SLC10A7: variants seen among roughly 807,000 people sequenced by gnomAD.
SLC10A7 encodes sodium/bile acid cotransporter 7.
A neutral mutation model predicts 43.2 loss-of-function variants in SLC10A7; 29 were observed. The ratio of observed to expected loss-of-function variants is 0.67; its 90% confidence interval spans 0.50 to 0.92. The LOEUF is 0.92. Among genes scored for constraint, SLC10A7 ranks in the 40% least tolerant of loss-of-function variants. The pLI, the probability that SLC10A7 is intolerant of heterozygous loss-of-function variation, is 0.00. For missense variants in SLC10A7, 295 were observed against 403.2 expected, an observed-to-expected ratio of 0.73 and a Z score of 2.30; for synonymous variants, 152 against 144.8, an observed-to-expected ratio of 1.05 and a Z score of -0.35.
chr4:146,426,078 T>G (rs762273952), intron 5 of SLC10A7, among the ~76,000 whole-genome samples: 19 of 152,354 alleles, frequency 1.2e-4, no homozygotes, highest in Middle Eastern at 3.4e-3. Context: ...TCATTATGTA[T>G]GATTAATGTG....
At chr4:146,305,582 G>A (rs1314686227) in intron 7 of SLC10A7, among the ~76,000 whole-genome samples, 11 of 147,516 alleles carry the variant, frequency 7.5e-5, no homozygotes, top group East Asian at 2.0e-4. Flanking sequence ...AATAATAAAA[G>A]AAAAAAAAAC....
At chr4:146,356,524 T>C (rs570943675) in intron 5 of SLC10A7, among the ~76,000 whole-genome samples, 16 of 151,970 alleles carry the variant, frequency 1.1e-4, no homozygotes, top group Non-Finnish European at 1.5e-4. Context: ...CTCCCTCACT[T>C]ACTCAAGTCT....
intron 4 of SLC10A7, among the ~76,000 whole-genome samples, chr4:146,493,388 G>A (rs1321297280): frequency 1.3e-5 from 2 of 151,770 alleles, no homozygotes; most frequent in East Asian, 1.9e-4. Flanking sequence ...GGAGTTTTAG[G>A]TTGATAACCC....
chr4:146,326,357 T>G (rs974147088), intron 5 of SLC10A7, among the ~76,000 whole-genome samples: 1 of 152,212 alleles, frequency 6.6e-6, no homozygotes, highest in African/African-American at 2.4e-5. Context: ...ATGCCCCTTT[T>G]TGAGAGAAGA....
chr4:146,361,575 A>G (rs1167883232), intron 5 of SLC10A7, among the ~76,000 whole-genome samples: 1 of 152,156 alleles, frequency 6.6e-6, no homozygotes, highest in Non-Finnish European at 1.5e-5. Flanking sequence ...ACAGGTTGCA[A>G]AACTCCTTTG....
At position 146,382,254 on chromosome 4, in the gene SLC10A7, T is replaced by C. The variant is rs193295847; in HGVS notation, c.436-56258A>G. On this transcript the variant is annotated intron_variant, in intron 5 of 11. Coordinates refer to ENST00000335472, the MANE Select transcript of SLC10A7 (RefSeq NM_001029998.6). ...AGTTATGTTGACATTGTTTAATAAT[T>C]GCTTATTCTCCTGTAGAAGGACTAA... Among the ~76,000 whole-genome samples, 8 of 152,312 alleles carry C rather than the reference T, an allele frequency of 5.3e-5. No individual in the cohort carries two copies. The East Asian group carries it at 1.3e-3, about 26-fold the overall frequency.
Position 146,510,025 on chromosome 4 carries a change from G to A in SLC10A7, c.208C>T (p.Leu70=). ...TEELTSALVH[L]KLHLFIQIFT... ...ATCTGAATAAAAAGATGCAGTTTTA[G>A]ATGCACCAAAGCACTGGTCAGCTCC... Residue 70 remains leucine, a synonymous_variant, in exon 3 of 12, where the codon CTA becomes TTA. Transcript: ENST00000335472. 1.9e-6 allele frequency: 3 copies of A among 1,612,408 alleles called. No individual in the cohort carries two copies. The highest frequency in any genetic ancestry group is 2.2e-5 in the East Asian group (1 of 44,762).
intron 4 of SLC10A7, among the ~76,000 whole-genome samples, chr4:146,451,243 A>AAAAC (rs1350902345): frequency 2.0e-5 from 3 of 148,770 alleles, no homozygotes; most frequent in East Asian, 1.9e-4. Context: ...AAAAAAAAAA[A>AAAAC]AAAAAAACAA....
At chr4:146,494,248 C>T (rs932931312) in intron 4 of SLC10A7, among the ~76,000 whole-genome samples, 3 of 152,190 alleles carry the variant, frequency 2.0e-5, no homozygotes, top group Admixed American at 2.0e-4. Flanking sequence ...GAGACCACTA[C>T]GTTAGTAACG....
At chr4:146,303,071 G>A (rs1443153477) in intron 7 of SLC10A7, among the ~76,000 whole-genome samples, 1 of 152,194 alleles carries the variant, frequency 6.6e-6, no homozygotes, top group Non-Finnish European at 1.5e-5. Flanking sequence ...CCCTCATGGA[G>A]GGTAGGAGGG....
At chr4:146,467,797 A>T (rs1733180242) in intron 4 of SLC10A7, among the ~76,000 whole-genome samples, 1 of 152,054 alleles carries the variant, frequency 6.6e-6, no homozygotes, top group Non-Finnish European at 1.5e-5. Flanking sequence ...TCGTGACCTC[A>T]GGTGATTCAC....
chr4:146,334,049 C>T (rs975582326), intron 5 of SLC10A7, among the ~76,000 whole-genome samples: 1 of 152,018 alleles, frequency 6.6e-6, no homozygotes, highest in Admixed American at 6.6e-5. Context: ...GAAGGAAGAA[C>T]AGTTTCTTAG....
At chr4:146,388,121 T>C (rs1738143209) in intron 5 of SLC10A7, among the ~76,000 whole-genome samples, 1 of 152,136 alleles carries the variant, frequency 6.6e-6, no homozygotes, top group South Asian at 2.1e-4. Flanking sequence ...GCCAAAGCAA[T>C]CCTAAGCAAA....
chr4:146,334,341 G>T (rs559589167), intron 5 of SLC10A7, among the ~76,000 whole-genome samples: 1 of 152,220 alleles, frequency 6.6e-6, no homozygotes, highest in African/African-American at 2.4e-5. Context: ...ACTATAGATT[G>T]AAGCTTATTG....
intron 10 of SLC10A7, among the ~76,000 whole-genome samples, chr4:146,275,752 A>T (rs1729164841): frequency 6.6e-6 from 1 of 152,104 alleles, no homozygotes; most frequent in Non-Finnish European, 1.5e-5. Flanking sequence ...GCAGGTTTTA[A>T]TGAAAGTAAG....
At chr4:146,394,248 C>T (rs1191150540) in intron 5 of SLC10A7, among the ~76,000 whole-genome samples, 2 of 152,144 alleles carry the variant, frequency 1.3e-5, no homozygotes, top group Admixed American at 6.5e-5. Context: ...ATTTCAACAT[C>T]CTACCTCATT....
chr4:146,312,916 T>C (rs750788881), intron 6 of SLC10A7, among the ~76,000 whole-genome samples: 4 of 152,080 alleles, frequency 2.6e-5, no homozygotes, highest in Non-Finnish European at 5.9e-5. Context: ...CTATGAAGAA[T>C]TGAGCTTCCA....
At chr4:146,387,533 G>A (rs963317655) in intron 5 of SLC10A7, among the ~76,000 whole-genome samples, 2 of 152,098 alleles carry the variant, frequency 1.3e-5, no homozygotes, top group Admixed American at 1.3e-4. Context: ...AACAAGACAA[G>A]GATGCCCACT....
intron 5 of SLC10A7, among the ~76,000 whole-genome samples, chr4:146,406,736 A>G (rs1282422291): frequency 1.3e-5 from 2 of 152,138 alleles, no homozygotes; most frequent in Non-Finnish European, 2.9e-5. Flanking sequence ...TGATCCCAGC[A>G]CTTTAGGAGG....
Sources: allele counts gnomAD v4.1 joint callset (sites outside exome capture counted in the v4.1 genomes callset), GRCh38; gene constraint gnomAD v4.1.1; transcripts MANE v1.5; gene names NCBI Gene and HGNC (gene_info 2026-07-23, HGNC 2026-07-21).